Variants in EXOC4 observed in about 807,000 individuals in gnomAD.
EXOC4 encodes SEC8-like 1.
EXOC4 carries 71 observed loss-of-function variants against 107.2 expected under a neutral mutation model. The ratio of observed to expected loss-of-function variants is 0.66; its 90% confidence interval spans 0.55 to 0.81. The LOEUF (loss-of-function observed/expected upper bound fraction) is 0.81. EXOC4 is among the 30% of genes least tolerant of loss of function. The pLI is 0.00. For missense variants in EXOC4, 1,108 were observed against 1,189.6 expected (o/e 0.93, Z 1.01); for synonymous variants, 456 against 441.2 (o/e 1.03, Z -0.42).
chr7:133,948,762 T>A (rs761817026), intron 14 of EXOC4, among the ~76,000 whole-genome samples: 1 of 152,208 alleles, frequency 6.6e-6, no homozygotes, highest in Non-Finnish European at 1.5e-5. Context: ...TTACAAGGCA[T>A]GAGCATGAAA....
At chr7:133,279,633 C>A (rs1024861853) in intron 2 of EXOC4, among the ~76,000 whole-genome samples, 3 of 152,158 alleles carry the variant, frequency 2.0e-5, no homozygotes, top group African/African-American at 7.2e-5. Flanking sequence ...ATCCTCTTGC[C>A]TTAGCCTCCT....
intron 10 of EXOC4, among the ~76,000 whole-genome samples, chr7:133,794,420 C>G (rs1796770621): frequency 1.3e-5 from 2 of 152,200 alleles, no homozygotes; most frequent in South Asian, 4.1e-4. Context: ...TGGAGGCTAC[C>G]TGGCCTCCTT....
At chr7:134,029,485 T>G (rs983268497) in intron 17 of EXOC4, among the ~76,000 whole-genome samples, 6 of 147,058 alleles carry the variant, frequency 4.1e-5, no homozygotes, top group African/African-American at 1.5e-4. Context: ...TTTTTGGTGG[T>G]CTATTGATTG....
chr7:133,537,303 C>CA (rs1232835834), intron 9 of EXOC4, among the ~76,000 whole-genome samples: 3 of 147,622 alleles, frequency 2.0e-5, no homozygotes, highest in Admixed American at 6.6e-5. Flanking sequence ...GGCACCCCCC[C>CA]CCCCACCACA....
chr7:133,745,463 A>T (rs1185234581), intron 10 of EXOC4, among the ~76,000 whole-genome samples: 1 of 152,104 alleles, frequency 6.6e-6, no homozygotes, highest in Admixed American at 6.6e-5. Flanking sequence ...ACATATAGGA[A>T]GTATTTTGTA....
At position 133,817,338 on chromosome 7, in the gene EXOC4, A is replaced by G; in HGVS notation, c.1528A>G (p.Ile510Val). ...FHPLLRFIQEIEHALGLGPAK... is the reference protein window; with the variant it reads ...FHPLLRFIQEVEHALGLGPAK... ...TTTGTCCTCCAGATTTATTCAGGAG[A>G]TTGAGCATGCTCTGGGTCTTGGCCC... The change falls in exon 11 of 18, where the codon ATT (isoleucine) becomes GTT (valine). Residue 510 changes from isoleucine to valine, a missense_variant. Transcript: ENST00000253861. 2 of 1,613,280 alleles carry G rather than the reference A, an allele frequency of 1.2e-6. No homozygotes were observed. Among genetic ancestry groups the G allele is most frequent in the South Asian group, 1.1e-5 (1 of 90,990 alleles).
chr7:133,519,117 A>C (rs1799935079), intron 9 of EXOC4, among the ~76,000 whole-genome samples: 1 of 152,170 alleles, frequency 6.6e-6, no homozygotes, highest in African/African-American at 2.4e-5. Context: ...TTTAGTAAAT[A>C]TTGGTTATTA....
At chr7:134,040,050 T>A (rs530170648) in intron 17 of EXOC4, among the ~76,000 whole-genome samples, 1 of 152,346 alleles carries the variant, frequency 6.6e-6, no homozygotes, top group Non-Finnish European at 1.5e-5. Context: ...CTGTCAGCCC[T>A]TCATATCCTG....
chr7:133,876,518 T>C (rs994406844), intron 11 of EXOC4, among the ~76,000 whole-genome samples: 1 of 152,024 alleles, frequency 6.6e-6, no homozygotes, highest in African/African-American at 2.4e-5. Flanking sequence ...CCTTCATTTT[T>C]CTTCTTCTTT....
In EXOC4 at chr7:133,654,562, G is replaced by A. The variant is rs141703842; in HGVS notation, c.1514+24421G>A. On this transcript the variant is annotated intron_variant, in intron 10 of 17. Transcript: ENST00000253861. Reference sequence around the variant, plus strand: ...CTGAGGGGCCTTAGCATTTGGGAGTGTTGGTTATGGATAGAGCAAACTGAA... The same window carrying A: ...CTGAGGGGCCTTAGCATTTGGGAGTATTGGTTATGGATAGAGCAAACTGAA... Among the ~76,000 whole-genome samples, 41 of 152,220 alleles carry A rather than the reference G, an allele frequency of 2.7e-4. 1 individual carries two copies. The East Asian group carries it at 4.3e-3, about 16-fold the overall frequency.
intron 10 of EXOC4, among the ~76,000 whole-genome samples, chr7:133,698,238 G>GT (rs1296515389): frequency 4.6e-5 from 7 of 152,076 alleles, no homozygotes; most frequent in East Asian, 3.9e-4. Context: ...CTGGTCTATT[G>GT]TTTTTTTAAA....
intron 10 of EXOC4, among the ~76,000 whole-genome samples, chr7:133,756,657 G>C (rs1795924061): frequency 6.6e-6 from 1 of 152,098 alleles, no homozygotes; most frequent in South Asian, 2.1e-4. Context: ...AGAATCTTTT[G>C]CCCTAAGCAC....
chr7:133,458,583 C>G (rs1798517183), intron 7 of EXOC4, among the ~76,000 whole-genome samples: 1 of 152,304 alleles, frequency 6.6e-6, no homozygotes, highest in African/African-American at 2.4e-5. Flanking sequence ...ATTAAGATCT[C>G]TCTGTAAAGG....
chr7:133,698,574 C>A (rs201504340), intron 10 of EXOC4, among the ~76,000 whole-genome samples: 143 of 143,396 alleles, frequency 1.0e-3, no homozygotes, highest in Middle Eastern at 3.5e-3. Context: ...AGAGTGGTGT[C>A]AAAAAAAAAA....
intron 14 of EXOC4, among the ~76,000 whole-genome samples, chr7:133,968,275 T>C (rs1801117951): frequency 6.6e-6 from 1 of 152,186 alleles, no homozygotes. Flanking sequence ...AGCACACCAA[T>C]GGGTCTTGAC....
intron 11 of EXOC4, among the ~76,000 whole-genome samples, chr7:133,842,689 C>T (rs1798046291): frequency 6.6e-6 from 1 of 151,994 alleles, no homozygotes; most frequent in Non-Finnish European, 1.5e-5. Context: ...ATTGCAATTG[C>T]TTCGTTATGA....
intron 2 of EXOC4, among the ~76,000 whole-genome samples, chr7:133,279,286 G>T (rs1014811134): frequency 6.6e-6 from 1 of 152,140 alleles, no homozygotes; most frequent in African/African-American, 2.4e-5. Context: ...ACATACGTGT[G>T]CATGTGTCTT....
At chr7:133,513,021 C>T (rs1563092675) in intron 9 of EXOC4, among the ~76,000 whole-genome samples, 1 of 152,100 alleles carries the variant, frequency 6.6e-6, no homozygotes, top group African/African-American at 2.4e-5. Context: ...AGGAGAATCA[C>T]TTGAACCTGG....
intron 9 of EXOC4, among the ~76,000 whole-genome samples, chr7:133,594,493 C>CTTTTTTTTTTTTTTTTTTTTT (rs532692119): frequency 1.1e-5 from 1 of 90,362 alleles, no homozygotes; most frequent in African/African-American, 4.5e-5. Context: ...AAGCTTGAGT[C>CTTTTTTTTTTTTTTTTTTTTT]TTTTTTTTTT....
Sources: gnomAD v4.1 joint callset for allele counts (sites outside exome capture counted in the v4.1 genomes callset) on GRCh38, gnomAD v4.1.1 for gene constraint, MANE v1.5 for transcripts, NCBI Gene and HGNC (gene_info 2026-07-23, HGNC 2026-07-21) for gene names.